TBC1D19: variants seen among roughly 807,000 people sequenced by gnomAD.
TBC1D19 encodes the protein TBC1 domain family, member 19.
A neutral mutation model predicts 89.0 loss-of-function variants in TBC1D19; 60 were observed. The observed-to-expected ratio is 0.67, with a 90% CI of 0.55 to 0.84. TBC1D19 has a LOEUF of 0.84. Ranked by LOEUF, TBC1D19 falls within the 40% of genes least tolerant of loss-of-function variation. The pLI is 0.00. For missense variants in TBC1D19, 500 were observed against 610.8 expected, an observed-to-expected ratio of 0.82 and a Z score of 1.91; for synonymous variants, 189 against 199.7, an observed-to-expected ratio of 0.95 and a Z score of 0.45.
At chr4:26,589,026 G>C (rs1361188321) in intron 1 of TBC1D19, among the ~76,000 whole-genome samples, 2 of 152,110 alleles carry the variant, frequency 1.3e-5, no homozygotes, top group East Asian at 1.9e-4. Flanking sequence ...TGAAACTAGA[G>C]GTAGTTAGGA....
chr4:26,720,902 G>A (rs1433708704), intron 15 of TBC1D19, among the ~76,000 whole-genome samples: 1 of 152,206 alleles, frequency 6.6e-6, no homozygotes, highest in East Asian at 1.9e-4. Flanking sequence ...ACCACAAAGT[G>A]CCTGACATGT....
At chr4:26,745,108 T>C (rs1718577222) in intron 18 of TBC1D19, among the ~76,000 whole-genome samples, 1 of 152,128 alleles carries the variant, frequency 6.6e-6, no homozygotes, top group South Asian at 2.1e-4. Flanking sequence ...GTAATAAATC[T>C]ACTATGTCTG....
intron 13 of TBC1D19, among the ~76,000 whole-genome samples, chr4:26,700,581 T>A (rs1447512210): frequency 6.6e-6 from 1 of 152,188 alleles, no homozygotes; most frequent in African/African-American, 2.4e-5. Context: ...AAAGGAACAA[T>A]TAGATTTTTC....
chr4:26,769,612 A>G, the TBC1D19 span, among the ~76,000 whole-genome samples: 7 of 151,638 alleles, frequency 4.6e-5, no homozygotes, highest in Non-Finnish European at 5.9e-5. Flanking sequence ...GTGTGAACTC[A>G]GCTCACTGCA....
chr4:26,764,035 T>C, the TBC1D19 span, among the ~76,000 whole-genome samples: 1 of 152,376 alleles, frequency 6.6e-6, no homozygotes, highest in African/African-American at 2.4e-5. Flanking sequence ...TTCAAATATG[T>C]ATGCCTGTTG....
At chr4:26,791,112 A>C in the TBC1D19 span, among the ~76,000 whole-genome samples, 1 of 151,980 alleles carries the variant, frequency 6.6e-6, no homozygotes, top group Non-Finnish European at 1.5e-5. Flanking sequence ...TCTCCACACT[A>C]TCCCCAGAAC....
chr4:26,592,367 C>T (rs1315878783), intron 1 of TBC1D19, among the ~76,000 whole-genome samples: 1 of 152,102 alleles, frequency 6.6e-6, no homozygotes. Context: ...TTACGACAAA[C>T]CCACAGCCAA....
At chr4:26,815,433 T>C in the TBC1D19 span, among the ~76,000 whole-genome samples, 23 of 152,384 alleles carry the variant, frequency 1.5e-4, no homozygotes, top group African/African-American at 4.6e-4. Flanking sequence ...CACAGCTTTC[T>C]GAGCAATGCA....
the TBC1D19 span, among the ~76,000 whole-genome samples, chr4:26,850,291 A>G: frequency 1.3e-5 from 2 of 151,974 alleles, no homozygotes; most frequent in Non-Finnish European, 2.9e-5. Context: ...ACTCACACCT[A>G]TAATCCCAGC....
At chr4:26,846,290 G>A in the TBC1D19 span, among the ~76,000 whole-genome samples, 3 of 152,070 alleles carry the variant, frequency 2.0e-5, no homozygotes, top group Non-Finnish European at 4.4e-5. Context: ...TTCTGTTTCA[G>A]TTCATATGCC....
At chr4:26,662,638 T>C (rs921992464) in intron 8 of TBC1D19, among the ~76,000 whole-genome samples, 3 of 152,058 alleles carry the variant, frequency 2.0e-5, no homozygotes, top group African/African-American at 7.2e-5. Context: ...ACGAGAAAAC[T>C]GAAATTTTTT....
the TBC1D19 span, among the ~76,000 whole-genome samples, chr4:26,795,326 A>G: frequency 6.6e-6 from 1 of 152,144 alleles, no homozygotes; most frequent in African/African-American, 2.4e-5. Flanking sequence ...TTAAAATGGC[A>G]TCCCCCTACT....
intron 15 of TBC1D19, among the ~76,000 whole-genome samples, chr4:26,728,819 C>A (rs992276280): frequency 6.6e-6 from 1 of 151,852 alleles, no homozygotes; most frequent in Non-Finnish European, 1.5e-5. Context: ...CGAGACCATC[C>A]TGGCTAATAT....
At chr4:26,817,071 C>T in the TBC1D19 span, among the ~76,000 whole-genome samples, 4 of 152,168 alleles carry the variant, frequency 2.6e-5, no homozygotes, top group East Asian at 3.8e-4. Flanking sequence ...ACAAGTTCAC[C>T]GGCTGATGCT....
chr4:26,645,584 C>T (rs1337912239), intron 7 of TBC1D19, among the ~76,000 whole-genome samples: 1 of 152,178 alleles, frequency 6.6e-6, no homozygotes, highest in Non-Finnish European at 1.5e-5. Context: ...CCATTCAGGA[C>T]ATAGGCATGG....
At chr4:26,733,232 A>G (rs931608257) in intron 15 of TBC1D19, among the ~76,000 whole-genome samples, 5 of 152,354 alleles carry the variant, frequency 3.3e-5, no homozygotes, top group Non-Finnish European at 7.3e-5. Context: ...TCTAGAAACA[A>G]CAAAGAAGTA....
chr4:26,673,656 T>A, intron 10 of TBC1D19, 120 bp from the exon 11 acceptor site: 3 of 705,710 alleles, frequency 4.3e-6, no homozygotes, highest in Non-Finnish European at 7.5e-6. Context: ...AAAGATACGG[T>A]GTAATTATGT....
chr4:26,767,999 G>T, the TBC1D19 span, among the ~76,000 whole-genome samples: 1 of 152,104 alleles, frequency 6.6e-6, no homozygotes, highest in East Asian at 1.9e-4. Flanking sequence ...AGTTCCAGGA[G>T]GCCAAGACAG....
chr4:26,677,772 G>T (rs1027474602), intron 11 of TBC1D19, among the ~76,000 whole-genome samples: 1 of 152,090 alleles, frequency 6.6e-6, no homozygotes, highest in Non-Finnish European at 1.5e-5. Flanking sequence ...TGATGGTTTG[G>T]TTTTATAAGG....
Sources: allele counts gnomAD v4.1 joint callset (sites outside exome capture counted in the v4.1 genomes callset), GRCh38; gene constraint gnomAD v4.1.1; transcripts MANE v1.5; gene names NCBI Gene and HGNC (gene_info 2026-07-23, HGNC 2026-07-21).